The following NPNT variants were observed in gnomAD, a reference collection of about 807,000 sequenced individuals.
The protein encoded by NPNT is nephronectin.
In NPNT, 45 loss-of-function variants were observed where a neutral mutation model predicts 68.6. The observed-to-expected ratio is 0.66, with a 90% CI of 0.52 to 0.84. The LOEUF is 0.84. NPNT is among the 40% of genes least tolerant of loss of function. The pLI, the probability that NPNT is intolerant of heterozygous loss-of-function variation, is 0.00. For missense variants in NPNT, 672 were observed against 714.8 expected, an observed-to-expected ratio of 0.94 and a Z score of 0.68; for synonymous variants, 233 against 253.3, an observed-to-expected ratio of 0.92 and a Z score of 0.76.
intron 8 of NPNT, among the ~76,000 whole-genome samples, chr4:105,954,530 T>A (rs761456703): frequency 2.4e-4 from 36 of 152,286 alleles, no homozygotes; most frequent in Non-Finnish European, 4.9e-4. Flanking sequence ...CCTCTGTTAA[T>A]CCTTCAGAGG....
rs1049064019 is a variant in NPNT, at chr4:105,969,955, A to T, written c.*965A>T. The stretch of plus-strand genomic sequence containing the variant: ...TAAAACCACAGCTTTTACCATCATA[A>T]CATGGCTCTGGTAATATGTAGGAAG... On this transcript the variant is annotated 3_prime_UTR_variant, in exon 12 of 12. Coordinates refer to ENST00000379987, the MANE Select transcript of NPNT (RefSeq NM_001033047.3). 1.3e-5 allele frequency: 2 copies of T among 158,678 alleles called. No homozygotes were observed. The highest frequency in any genetic ancestry group is 2.4e-5 in the African/African-American group (1 of 41,488). 9.8% of individuals were successfully genotyped at this position (158,678 alleles called of 1,614,324 possible).
chr4:105,940,311 T>C, intron 6 of NPNT, 102 bp downstream of exon 6: 1 of 1,242,270 alleles, frequency 8.0e-7, no homozygotes. Flanking sequence ...GGGAGAGTAC[T>C]GGCGTTAAGT....
chr4:105,971,387 A>G lies in NPNT; in HGVS notation c.*2397A>G, dbSNP rs1732554857. ...GGCTGGAGGGGGAAAATAAATCATT[A>G]AGCCTTTGAGTAACGGCAGAATATA... On this transcript the variant is annotated 3_prime_UTR_variant, in exon 12 of 12. Coordinates refer to ENST00000379987, the MANE Select transcript of NPNT (RefSeq NM_001033047.3). The G allele has an allele frequency of 3.9e-6, 1 of 254,568 alleles. No individual in the cohort carries two copies. Among genetic ancestry groups the G allele is most frequent in the South Asian group, 4.1e-5 (1 of 24,394 alleles). 15.8% of individuals were successfully genotyped at this position (254,568 alleles called of 1,614,324 possible). A position where few individuals can be genotyped will look rare whatever the true frequency, so the allele number is the denominator to read the frequency against.
At chr4:105,916,655 A>G (rs898461931) in intron 2 of NPNT, among the ~76,000 whole-genome samples, 3 of 152,170 alleles carry the variant, frequency 2.0e-5, no homozygotes, top group Admixed American at 1.3e-4. Context: ...AGTCTTCTGT[A>G]CTTCCTCTAC....
At chr4:105,922,149 T>C (rs1017719321) in intron 2 of NPNT, among the ~76,000 whole-genome samples, 1 of 152,040 alleles carries the variant, frequency 6.6e-6, no homozygotes, top group African/African-American at 2.4e-5. Flanking sequence ...ACCATTGAGA[T>C]TGGATTGGCT....
intron 4 of NPNT, 117 bp downstream of exon 4, chr4:105,937,245 T>C: frequency 2.1e-6 from 2 of 943,278 alleles, no homozygotes; most frequent in Middle Eastern, 2.7e-4. Flanking sequence ...TGTGTGCGTG[T>C]GTTTATACTT....
chr4:105,895,567 T>C lies in NPNT; in HGVS notation c.-86T>C, dbSNP rs556870625. 139 of 1,138,598 alleles carry C rather than the reference T, an allele frequency of 1.2e-4. No homozygotes were observed. In the African/African-American group the frequency reaches 2.0e-3, roughly 16 times the overall value. The allele number at this position is 1,138,598 out of a possible 1,614,324, so 70.5% of individuals were successfully genotyped here. On this transcript the variant is annotated 5_prime_UTR_variant, in exon 1 of 12. Coordinates refer to ENST00000379987, the MANE Select transcript of NPNT (RefSeq NM_001033047.3). The stretch of plus-strand genomic sequence containing the variant: ...GAGGGCTGGGGGTTCCTCGAGACTC[T>C]CAGAGGGGCGCCTCCCATCGGCGCC...
At chr4:105,936,932 A>G in intron 3 of NPNT, 77 bp from the exon 4 acceptor site, 1 of 1,433,166 alleles carries the variant, frequency 7.0e-7, no homozygotes. Context: ...ATTTTTTAAT[A>G]TAGAAAAGAA....
intron 2 of NPNT, chr4:105,912,127 A>G (rs1727416808): frequency 8.5e-7 from 1 of 1,182,570 alleles, no homozygotes; most frequent in Non-Finnish European, 1.2e-6. Flanking sequence ...TAAATACCCA[A>G]GTCCAGCCTC....
chr4:105,904,492 A>G (rs562613801), intron 2 of NPNT, among the ~76,000 whole-genome samples: 5 of 152,282 alleles, frequency 3.3e-5, no homozygotes, highest in Admixed American at 6.5e-5. Context: ...GTGAATGTCC[A>G]TCTGCTCCCA....
intron 2 of NPNT, among the ~76,000 whole-genome samples, chr4:105,916,083 GAAA>G (rs1478248728): frequency 1.3e-5 from 2 of 152,234 alleles, no homozygotes; most frequent in East Asian, 3.9e-4. Flanking sequence ...ATCAAGGGCT[GAAA>G]AAAAGTCATC....
At chr4:105,897,854 T>C (rs766643628) in intron 1 of NPNT, 47 bp from the exon 2 acceptor site, 28 of 1,457,894 alleles carry the variant, frequency 1.9e-5, no homozygotes, top group Non-Finnish European at 2.6e-5. Context: ...AAATTACCTT[T>C]CTTCTCAAAA....
At chr4:105,927,052 T>C (rs1728736530) in intron 2 of NPNT, 1 of 202,614 alleles carries the variant, frequency 4.9e-6, no homozygotes, top group Non-Finnish European at 1.0e-5. Flanking sequence ...ATATCAGTTA[T>C]GCTTATGCAT....
rs1292026555 is a variant in NPNT at position 105,971,132 on chromosome 4, A to G, written c.*2142A>G. 4.4e-6 allele frequency: 2 copies of G among 454,770 alleles called. No individual in the cohort carries two copies. Among genetic ancestry groups the G allele is most frequent in the Non-Finnish European group, 8.9e-6 (2 of 225,712 alleles). 28.2% of individuals were successfully genotyped at this position (454,770 alleles called of 1,614,324 possible). Reference sequence around the variant, plus strand: ...TTTTAAGAGATCCTTCAAGGAACACAGTTCAGAGAGATTTTCATCGGGTGC... The same window carrying G: ...TTTTAAGAGATCCTTCAAGGAACACGGTTCAGAGAGATTTTCATCGGGTGC... On this transcript the variant is annotated 3_prime_UTR_variant, in exon 12 of 12. Transcript: ENST00000379987.
At position 105,895,721 on chromosome 4, in the gene NPNT, G is replaced by A. The variant is rs2149304356; in HGVS notation, c.69G>A (p.Gly23=). Residue 23 remains glycine, a splice_region_variant and synonymous_variant, in exon 1 of 12, where the codon GGG becomes GGA. Coordinates refer to ENST00000379987, the MANE Select transcript of NPNT (RefSeq NM_001033047.3). The part of the protein sequence containing the change: ...LYLQAAAEFD[G]RWPRQIVSSI... Reference sequence around the variant, plus strand: ...TGCAGGCGGCCGCCGAGTTCGACGGGAGGTGAGCTGGGCCCCGGGGCGCCC... The same window carrying A: ...TGCAGGCGGCCGCCGAGTTCGACGGAAGGTGAGCTGGGCCCCGGGGCGCCC... 6.4e-7 allele frequency: 1 copy of A among 1,552,704 alleles called. No homozygotes were observed. Among genetic ancestry groups the A allele is most frequent in the Non-Finnish European group, 8.7e-7 (1 of 1,147,506 alleles).
At chr4:105,967,631 T>C (rs770921137) in intron 11 of NPNT, among the ~76,000 whole-genome samples, 187 bp downstream of exon 11, 12 of 152,118 alleles carry the variant, frequency 7.9e-5, no homozygotes, top group Non-Finnish European at 1.6e-4. Context: ...TTCATCCTTC[T>C]TCATTGCAAC....
intron 3 of NPNT, among the ~76,000 whole-genome samples, chr4:105,936,729 T>C (rs1358529345): frequency 1.3e-5 from 2 of 152,160 alleles, no homozygotes; most frequent in African/African-American, 4.8e-5. Flanking sequence ...TATGCTGCTG[T>C]TTCTAGGGTT....
Position 105,895,531 on chromosome 4 carries a change from G to T in NPNT, c.-122G>T. 2 of 782,246 alleles carry T rather than the reference G, an allele frequency of 2.6e-6. No homozygotes were observed. The highest frequency in any genetic ancestry group is 4.0e-6 in the Non-Finnish European group (2 of 496,352). 48.5% of individuals were successfully genotyped at this position (782,246 alleles called of 1,614,324 possible). On this transcript the variant is annotated 5_prime_UTR_variant, in exon 1 of 12. Coordinates refer to ENST00000379987, the MANE Select transcript of NPNT (RefSeq NM_001033047.3). Reference sequence around the variant, plus strand: ...CTGTCCTCCGGGAGCGGCAGCAGTAGCCCGGGCGGCGAGGGCTGGGGGTTC... The same window carrying T: ...CTGTCCTCCGGGAGCGGCAGCAGTATCCCGGGCGGCGAGGGCTGGGGGTTC...
intron 2 of NPNT, among the ~76,000 whole-genome samples, chr4:105,900,147 G>A (rs908593839): frequency 2.6e-5 from 4 of 152,182 alleles, no homozygotes; most frequent in African/African-American, 9.7e-5. Flanking sequence ...TCGACCTTTA[G>A]ATAATCATGT....
Sources: allele counts gnomAD v4.1 joint callset (sites outside exome capture counted in the v4.1 genomes callset), GRCh38; gene constraint gnomAD v4.1.1; transcripts MANE v1.5; gene names NCBI Gene and HGNC (gene_info 2026-07-23, HGNC 2026-07-21).